Variants in RBFOX1 observed in about 807,000 individuals in gnomAD.
RBFOX1 encodes the protein RNA binding protein fox-1 homolog 1.
Under a neutral mutation model 57.7 loss-of-function variants are expected in RBFOX1, and 8 were observed. That is an observed-to-expected ratio of 0.14 (90% CI 0.08 to 0.25). RBFOX1 has a LOEUF of 0.25. Among genes scored for constraint, RBFOX1 ranks in the 10% least tolerant of loss-of-function variants. The pLI is 1.00. For missense variants in RBFOX1, 611 were observed against 548.5 expected, an observed-to-expected ratio of 1.11 and a Z score of -1.14; for synonymous variants, 326 against 222.4, an observed-to-expected ratio of 1.47 and a Z score of -4.15.
intron 3 of RBFOX1, among the ~76,000 whole-genome samples, chr16:5,622,145 A>G (rs772532615): frequency 2.0e-5 from 3 of 152,198 alleles, no homozygotes; most frequent in African/African-American, 4.8e-5. Flanking sequence ...TCAGCAACCA[A>G]TTCCACTTGG....
At chr16:7,482,750 G>A (rs189129882) in intron 4 of RBFOX1, among the ~76,000 whole-genome samples, 1 of 151,822 alleles carries the variant, frequency 6.6e-6, no homozygotes, top group Non-Finnish European at 1.5e-5. Context: ...ATTTGCTTAT[G>A]TTCTTGGATG....
rs570436226 is a variant in RBFOX1, at chr16:5,553,435, C to T, written c.259-45467C>T. Reference sequence around the variant, plus strand: ...GGTTCATGCCATTCTCCCGCCTCAGCCTCCCGAGTAGCTGGGACTACAGGC... The same window carrying T: ...GGTTCATGCCATTCTCCCGCCTCAGTCTCCCGAGTAGCTGGGACTACAGGC... On this transcript the variant is annotated intron_variant, in intron 2 of 2. Transcript: ENST00000585867. Among the ~76,000 whole-genome samples, 12 of 151,984 alleles carry T rather than the reference C, an allele frequency of 7.9e-5. No homozygotes were observed. In the South Asian group the frequency reaches 1.3e-3, roughly 16 times the overall value.
intron 3 of RBFOX1, among the ~76,000 whole-genome samples, chr16:6,657,721 A>C (rs2098669885): frequency 6.6e-6 from 1 of 152,182 alleles, no homozygotes; most frequent in South Asian, 2.1e-4. Flanking sequence ...GTGCCAAAAT[A>C]ATAAGTAAAC....
At chr16:6,467,043 T>A (rs1300813210) in intron 2 of RBFOX1, among the ~76,000 whole-genome samples, 1 of 151,090 alleles carries the variant, frequency 6.6e-6, no homozygotes, top group East Asian at 1.9e-4. Flanking sequence ...ATTAATTACG[T>A]GTAATGTAAC....
chr16:6,889,088 G>T (rs142305923), intron 3 of RBFOX1, among the ~76,000 whole-genome samples: 1 of 152,054 alleles, frequency 6.6e-6, no homozygotes. Flanking sequence ...TTGGTTAGAG[G>T]GATATCACAG....
intron 2 of RBFOX1, among the ~76,000 whole-genome samples, chr16:5,474,524 G>A (rs1218346965): frequency 1.3e-5 from 2 of 152,060 alleles, no homozygotes; most frequent in African/African-American, 2.4e-5. Flanking sequence ...TGTGGTGGTG[G>A]GCACCTGTAA....
chr16:6,458,780 C>A, intron 2 of RBFOX1, among the ~76,000 whole-genome samples: 1 of 152,200 alleles, frequency 6.6e-6, no homozygotes, highest in East Asian at 1.9e-4. Flanking sequence ...GACAGAGTTG[C>A]ATGTAAAATG....
At chr16:6,891,653 G>A (rs1034309371) in intron 3 of RBFOX1, among the ~76,000 whole-genome samples, 1 of 152,134 alleles carries the variant, frequency 6.6e-6, no homozygotes, top group African/African-American at 2.4e-5. Flanking sequence ...ATCTCTGCAA[G>A]TTTCAACAAA....
chr16:6,898,444 G>A (rs1344046081), intron 3 of RBFOX1, among the ~76,000 whole-genome samples: 2 of 152,074 alleles, frequency 1.3e-5, no homozygotes, highest in Non-Finnish European at 2.9e-5. Context: ...GTAAGCATTT[G>A]GAATCAGCTC....
intron 14 of RBFOX1, among the ~76,000 whole-genome samples, chr16:7,685,655 A>C (rs972163291): frequency 1.3e-5 from 2 of 152,110 alleles, no homozygotes; most frequent in South Asian, 4.1e-4. Flanking sequence ...AATGTATGCT[A>C]GTATTTGCAG....
At chr16:5,676,071 G>A (rs2191100) in intron 3 of RBFOX1, among the ~76,000 whole-genome samples, 28,289 of 151,930 alleles carry the variant, frequency 0.19, 3,609 homozygotes, top group African/African-American at 0.34. Context: ...AGGGAACGTC[G>A]CACACCAGGG....
chr16:5,732,360 GACTGAAGATT>G (rs2052408459), intron 3 of RBFOX1, among the ~76,000 whole-genome samples: 2 of 152,152 alleles, frequency 1.3e-5, no homozygotes, highest in African/African-American at 2.4e-5. Context: ...ATGACTGCCG[GACTGAAGATT>G]CTCAGCCCAG....
chr16:7,214,022 C>G (rs528792481), intron 4 of RBFOX1, among the ~76,000 whole-genome samples: 1 of 152,110 alleles, frequency 6.6e-6, no homozygotes, highest in Non-Finnish European at 1.5e-5. Flanking sequence ...GGAATTTGAC[C>G]TCTCCCCTTT....
intron 2 of RBFOX1, among the ~76,000 whole-genome samples, chr16:6,487,144 C>CTGTGTGTGTGTGTGTGTCTG: frequency 1.4e-5 from 2 of 140,222 alleles, no homozygotes; most frequent in East Asian, 4.9e-4. Context: ...TGTGGGGTTT[C>CTGTGTGTGTGTGTGTGTCTG]TGTGTGTGTG....
chr16:6,132,646 C>G (rs934972210), intron 1 of RBFOX1, among the ~76,000 whole-genome samples: 1 of 152,078 alleles, frequency 6.6e-6, no homozygotes, highest in South Asian at 2.1e-4. Flanking sequence ...GTGGCATGGA[C>G]TGTGAGTTAA....
intron 3 of RBFOX1, among the ~76,000 whole-genome samples, chr16:5,814,547 C>T (rs1227519382): frequency 3.9e-5 from 6 of 152,204 alleles, no homozygotes; most frequent in African/African-American, 4.8e-5. Flanking sequence ...TCAGAGGCCA[C>T]ACAACTTGCC....
At chr16:7,703,923 A>G (rs1449459551) in intron 14 of RBFOX1, among the ~76,000 whole-genome samples, 6 of 152,206 alleles carry the variant, frequency 3.9e-5, no homozygotes, top group Admixed American at 2.6e-4. Flanking sequence ...CTGCAGACCA[A>G]AAGTCTGGGC....
intron 2 of RBFOX1, among the ~76,000 whole-genome samples, chr16:5,507,325 C>T (rs76119159): frequency 0.025 from 3,872 of 152,076 alleles, 142 homozygotes; most frequent in African/African-American, 0.077. Context: ...CTCACTGCTC[C>T]CCAAGCAGAA....
intron 4 of RBFOX1, among the ~76,000 whole-genome samples, chr16:7,110,226 A>T (rs1263485226): frequency 6.6e-6 from 1 of 150,572 alleles, no homozygotes; most frequent in Non-Finnish European, 1.5e-5. Flanking sequence ...CAGGTGTGGC[A>T]CCACCCTCGT....
Sources: allele counts gnomAD v4.1 joint callset (sites outside exome capture counted in the v4.1 genomes callset), GRCh38; gene constraint gnomAD v4.1.1; transcripts MANE v1.5; gene names NCBI Gene and HGNC (gene_info 2026-07-23, HGNC 2026-07-21).